The following DAPK1 variants were observed in gnomAD, a reference collection of about 807,000 sequenced individuals.
The protein encoded by DAPK1 is death-associated protein kinase 1.
A neutral mutation model predicts 144.9 loss-of-function variants in DAPK1; 56 were observed. The ratio of observed to expected loss-of-function variants is 0.39; its 90% confidence interval spans 0.31 to 0.48. The LOEUF (loss-of-function observed/expected upper bound fraction) is 0.48, where lower values mean the gene tolerates loss of function less well. Ranked by LOEUF, DAPK1 falls within the 20% of genes least tolerant of loss-of-function variation. The pLI is 0.95. For synonymous variants in DAPK1, 690 were observed against 749.0 expected (o/e 0.92, Z 1.29); for missense variants, 1,454 against 1,875.4 (o/e 0.78, Z 4.15).
chr9:87,517,356 C>G (rs1409818296), intron 2 of DAPK1, among the ~76,000 whole-genome samples: 1 of 152,080 alleles, frequency 6.6e-6, no homozygotes, highest in African/African-American at 2.4e-5. Context: ...TCCTGAGACT[C>G]AAGCAGTGTC....
chr9:87,643,382 G>A lies in DAPK1; in HGVS notation c.925G>A (p.Val309Ile), dbSNP rs376057398. The change falls in exon 11 of 26, where the codon GTT becomes ATT. Residue 309 changes from valine (V) to isoleucine (I), a missense_variant. Val to Ile is a conservative substitution (Grantham distance 29). Around this residue, in one of 2 missense-constraint regions of DAPK1, gnomAD observed 429 missense variants for 637.5 expected, o/e 0.67. Coordinates refer to ENST00000408954, the MANE Select transcript of DAPK1 (RefSeq NM_004938.4). ...FAARKKWKQS[V>I]RLISLCQRLS... is the part of the protein sequence containing the mutation. Reference sequence around the variant, plus strand: ...TTTTTTTTTTAAAAAAAAGCAATCCGTTCGCTTGATATCACTGTGCCAAAG... The same window carrying A: ...TTTTTTTTTTAAAAAAAAGCAATCCATTCGCTTGATATCACTGTGCCAAAG... The A allele has an allele frequency of 1.6e-5, 22 of 1,398,606 alleles. 1 individual carries two copies. In the South Asian group the frequency reaches 2.4e-4, roughly 15 times the overall value. The allele number at this position is 1,398,606 out of a possible 1,614,324, so 86.6% of individuals were successfully genotyped here.
intron 22 of DAPK1, among the ~76,000 whole-genome samples, chr9:87,698,186 T>C (rs1475302129): frequency 6.6e-6 from 1 of 152,218 alleles, no homozygotes; most frequent in African/African-American, 2.4e-5. Flanking sequence ...CTGCCAGTTT[T>C]GCCTCTTTCT....
chr9:87,638,817 A>G (rs1398321219), intron 4 of DAPK1, among the ~76,000 whole-genome samples: 1 of 152,204 alleles, frequency 6.6e-6, no homozygotes, highest in East Asian at 1.9e-4. Flanking sequence ...TGGCCCCACA[A>G]ACAATGTGCA....
At chr9:87,559,415 G>A (rs1462688503) in intron 2 of DAPK1, among the ~76,000 whole-genome samples, 3 of 152,130 alleles carry the variant, frequency 2.0e-5, no homozygotes, top group Non-Finnish European at 4.4e-5. Flanking sequence ...GTGCCGCCCA[G>A]TGTGGTAACA....
intron 2 of DAPK1, among the ~76,000 whole-genome samples, chr9:87,601,721 A>G (rs1360870495): frequency 2.0e-5 from 3 of 151,844 alleles, no homozygotes; most frequent in African/African-American, 4.8e-5. Context: ...ATTTCATCCT[A>G]CTCCCTCCAA....
intron 2 of DAPK1, among the ~76,000 whole-genome samples, chr9:87,513,138 G>A (rs1424614869): frequency 6.6e-6 from 1 of 152,136 alleles, no homozygotes; most frequent in Admixed American, 6.5e-5. Flanking sequence ...CTATAAACAG[G>A]TACCATAAAT....
Position 87,504,835 on chromosome 9 carries a change from T to C in DAPK1, c.62+5696T>C, listed in dbSNP as rs73654304. ...ATTACTTACAATACTTAGTACAATG[T>C]AAATGCTAACTAAATAGTAGCATTA... On this transcript the variant is annotated intron_variant, in intron 2 of 25. Transcript: ENST00000408954. Among the ~76,000 whole-genome samples, 726 of 152,352 alleles carry C rather than the reference T, an allele frequency of 4.8e-3. 7 individuals are homozygous for C. The highest frequency in any genetic ancestry group is 0.015 in the African/African-American group (623 of 41,580).
At chr9:87,639,592 A>C in intron 5 of DAPK1, 58 bp from the exon 6 acceptor site, 2 of 1,612,236 alleles carry the variant, frequency 1.2e-6, no homozygotes, top group South Asian at 2.2e-5. Context: ...TGTTGCATGA[A>C]GATAGAATCG....
chr9:87,676,109 G>A lies in DAPK1; in HGVS notation c.2002-5295G>A, dbSNP rs1479550262. ...CTTCAAACCATGAGCCAAAAATGTC[G>A]GTGGCACCATAGTCCCCTCTCCTCT... is the stretch of plus-strand genomic sequence containing the variant. On this transcript the variant is annotated intron_variant, in intron 19 of 25. Coordinates refer to ENST00000408954, the MANE Select transcript of DAPK1 (RefSeq NM_004938.4). Among the ~76,000 whole-genome samples, 3 of 152,080 alleles carry A rather than the reference G, an allele frequency of 2.0e-5. No homozygotes were observed. The South Asian group carries it at 6.2e-4, about 32-fold the overall frequency.
At chr9:87,541,057 C>A (rs1261836442) in intron 2 of DAPK1, among the ~76,000 whole-genome samples, 1 of 152,162 alleles carries the variant, frequency 6.6e-6, no homozygotes, top group Non-Finnish European at 1.5e-5. Context: ...ATTCCTCAAA[C>A]AGTAATATTA....
At chr9:87,625,257 C>A (rs1262055728) in intron 3 of DAPK1, among the ~76,000 whole-genome samples, 1 of 152,218 alleles carries the variant, frequency 6.6e-6, no homozygotes, top group Non-Finnish European at 1.5e-5. Context: ...AGTTGTCCAT[C>A]AGCAGGAACA....
chr9:87,576,564 T>C lies in DAPK1; in HGVS notation c.63-28390T>C, dbSNP rs1827569960. ...TTTCTCTGGATCTTGTTTGTTTTGT[T>C]TTGTTTTGTTTGAGACGGAGTCTCT... On this transcript the variant is annotated intron_variant, in intron 2 of 25. Transcript: ENST00000408954. 2.8e-5 allele frequency among the ~76,000 whole-genome samples: 4 copies of C among 142,860 alleles called. No individual in the cohort carries two copies. The South Asian group carries it at 6.5e-4, about 23-fold the overall frequency. The allele number at this position is 142,860 out of a possible 152,430, so 93.7% of individuals were successfully genotyped here. A position where few individuals can be genotyped will look rare whatever the true frequency, so the allele number is the denominator to read the frequency against.
In DAPK1 at chr9:87,508,263, C is replaced by T. The variant is rs547514090; in HGVS notation, c.62+9124C>T. Among the ~76,000 whole-genome samples, 114 of 152,152 alleles carry T rather than the reference C, an allele frequency of 7.5e-4. 1 individual carries two copies. The highest frequency in any genetic ancestry group is 2.6e-3 in the African/African-American group (109 of 41,488). ...CTGACCTCAGGTGATCTGCCCTCCT[C>T]GGTCTCCCAAAGTACTGGGATTACA... On this transcript the variant is annotated intron_variant, in intron 2 of 25. Coordinates refer to ENST00000408954, the MANE Select transcript of DAPK1 (RefSeq NM_004938.4).
intron 2 of DAPK1, among the ~76,000 whole-genome samples, chr9:87,588,516 A>G (rs1443081353): frequency 6.6e-6 from 1 of 152,180 alleles, no homozygotes; most frequent in Non-Finnish European, 1.5e-5. Flanking sequence ...CCAAATGACC[A>G]TGCTGAGACT....
chr9:87,550,854 G>A (rs1044557269), intron 2 of DAPK1, among the ~76,000 whole-genome samples: 23 of 152,218 alleles, frequency 1.5e-4, no homozygotes, highest in Admixed American at 7.2e-4. Flanking sequence ...GATGGGTGCC[G>A]TTTTTGGCTG....
At chr9:87,643,632 C>T (rs1302032255) in intron 11 of DAPK1, among the ~76,000 whole-genome samples, 164 bp downstream of exon 11, 1 of 152,010 alleles carries the variant, frequency 6.6e-6, no homozygotes, top group African/African-American at 2.4e-5. Context: ...GATGCACCCT[C>T]TTGCTTCTTT....
chr9:87,509,679 C>T (rs1824756903), intron 2 of DAPK1, among the ~76,000 whole-genome samples: 1 of 152,210 alleles, frequency 6.6e-6, no homozygotes, highest in South Asian at 2.1e-4. Context: ...GCGTTTTCTT[C>T]TGTGCACTTG....
chr9:87,600,508 G>C (rs1435411132), intron 2 of DAPK1, among the ~76,000 whole-genome samples: 2 of 152,146 alleles, frequency 1.3e-5, no homozygotes, highest in Non-Finnish European at 2.9e-5. Flanking sequence ...TGGGAGGATT[G>C]CTCGAGCTCG....
intron 3 of DAPK1, among the ~76,000 whole-genome samples, chr9:87,622,688 A>C (rs940141560): frequency 2.6e-5 from 4 of 152,106 alleles, no homozygotes; most frequent in African/African-American, 4.8e-5. Flanking sequence ...AGGCAGGTGG[A>C]TTGCCTGAGC....
Sources: gnomAD v4.1 joint callset for allele counts (sites outside exome capture counted in the v4.1 genomes callset) on GRCh38, gnomAD v4.1.1 for gene constraint, gnomAD v4.1.1 regional missense constraint, MANE v1.5 for transcripts, NCBI Gene and HGNC (gene_info 2026-07-23, HGNC 2026-07-21) for gene names.